The following VPS11 variants were observed in gnomAD, a reference collection of about 807,000 sequenced individuals.
VPS11 encodes VPS11 core subunit of CORVET and HOPS complexes.
Under a neutral mutation model 106.8 loss-of-function variants are expected in VPS11, and 51 were observed. The ratio of observed to expected loss-of-function variants is 0.48; its 90% CI spans 0.38 to 0.60. The LOEUF (loss-of-function observed/expected upper bound fraction) is 0.60, where lower values mean the gene tolerates loss of function less well. Among genes scored for constraint, VPS11 ranks in the 20% least tolerant of loss-of-function variants. VPS11 has a pLI of 0.00. For missense variants in VPS11, 950 were observed against 1,190.0 expected (o/e 0.80, Z 2.97); for synonymous variants, 453 against 458.7 (o/e 0.99, Z 0.16).
intron 1 of VPS11, 85 bp from the exon 2 acceptor site, chr11:119,069,111 G>C: frequency 1.3e-6 from 2 of 1,525,522 alleles, no homozygotes; most frequent in Non-Finnish European, 1.8e-6. Flanking sequence ...AAATTTTAGA[G>C]TTATATACAT....
In VPS11 at chr11:119,068,242, T is replaced by A. The variant is rs941770721; in HGVS notation, c.187+232T>A. The stretch of plus-strand genomic sequence containing the variant: ...CTCTCTGGGTTTTAATTTCCTTATC[T>A]GTAGGAGATGTGTGCATGCCAATTT... On this transcript the variant is annotated intron_variant, in intron 1 of 15. Coordinates refer to ENST00000621676, the MANE Select transcript of VPS11 (RefSeq NM_021729.6). The A allele has an allele frequency of 6.7e-6, 3 of 445,832 alleles. No individual in the cohort carries two copies. The Admixed American group carries it at 1.2e-4, about 17-fold the overall frequency. 27.6% of individuals were successfully genotyped at this position (445,832 alleles called of 1,614,324 possible).
chr11:119,071,184 C>T (rs1945374660), intron 4 of VPS11, among the ~76,000 whole-genome samples: 1 of 152,156 alleles, frequency 6.6e-6, no homozygotes, highest in Admixed American at 6.5e-5. Flanking sequence ...CCTGCCTCAA[C>T]CACCCAAAGT....
chr11:119,077,688 AC>A (rs782327552), intron 9 of VPS11, 41 bp downstream of exon 9: 43 of 1,559,442 alleles, frequency 2.8e-5, no homozygotes, highest in Non-Finnish European at 3.6e-5. Context: ...ACAGGGTCTC[AC>A]TATGTTGCCC....
At chr11:119,068,152 A>G in intron 1 of VPS11, 142 bp downstream of exon 1, 1 of 983,994 alleles carries the variant, frequency 1.0e-6, no homozygotes, top group Non-Finnish European at 1.4e-6. Context: ...GGTCTACGGG[A>G]AGAAAGAAGG....
In VPS11 at chr11:119,081,747, A is replaced by C; in HGVS notation, c.*124A>C. The C allele has an allele frequency of 7.6e-7, 1 of 1,312,762 alleles. No homozygotes were observed. The highest frequency in any genetic ancestry group is 1.0e-6 in the Non-Finnish European group (1 of 972,904). The allele number at this position is 1,312,762 out of a possible 1,614,324, so 81.3% of individuals were successfully genotyped here. ...GGGCTCCACTCTCATCTAATGTCACAGCCCTCAGAACTAAAGCGGACTTTC... is the reference window on the plus strand; with the variant it reads ...GGGCTCCACTCTCATCTAATGTCACCGCCCTCAGAACTAAAGCGGACTTTC... On this transcript the variant is annotated 3_prime_UTR_variant, in exon 16 of 16. Transcript: ENST00000621676.
rs2134783232 is a variant in VPS11 at position 119,076,731 on chromosome 11, G to A, written c.1239-166G>A. ...ACCCAGTGTGGTCCACAGTCTAGTA[G>A]CACCGATATTACCTGGGACTTTGTT... is the stretch of plus-strand genomic sequence containing the variant. On this transcript the variant is annotated intron_variant, in intron 7 of 15. Coordinates refer to ENST00000621676, the MANE Select transcript of VPS11 (RefSeq NM_021729.6). 3 of 777,836 alleles carry A rather than the reference G, an allele frequency of 3.9e-6. No individual in the cohort carries two copies. In the East Asian group the frequency reaches 8.2e-5, roughly 21 times the overall value. The allele number at this position is 777,836 out of a possible 1,614,324, so 48.2% of individuals were successfully genotyped here. A position where few individuals can be genotyped will look rare whatever the true frequency, so the allele number is the denominator to read the frequency against.
rs1346960174 is a variant in VPS11 at position 119,076,900 on chromosome 11, C to G, written c.1242C>G (p.Thr414=). The change falls in exon 8 of 16, where the codon ACC becomes ACG. Residue 414 remains threonine, a synonymous_variant. Transcript: ENST00000621676. ...TCGGGTGCACATGTCTCCCTAGAAC[C>G]ATTGGAAAGTTGGAGCCATCCTACG... ...HDGAVQQYIR[T]IGKLEPSYVI... The G allele has an allele frequency of 8.1e-6, 13 of 1,613,784 alleles. No homozygotes were observed. The East Asian group carries it at 2.9e-4, about 36-fold the overall frequency.
chr11:119,068,038 C>T (rs2133640493), intron 1 of VPS11, 28 bp downstream of exon 1: 2 of 1,574,308 alleles, frequency 1.3e-6, no homozygotes, highest in Admixed American at 3.6e-5. Context: ...CTGTCTTTTC[C>T]CTCCCGGGAT....
chr11:119,073,884 T>C lies in VPS11; in HGVS notation c.1171T>C (p.Phe391Leu), dbSNP rs1945498290. 1 of 1,613,800 alleles carries C rather than the reference T, an allele frequency of 6.2e-7. No homozygotes were observed. The highest frequency in any genetic ancestry group is 1.1e-5 in the South Asian group (1 of 91,080). Reference sequence around the variant, plus strand: ...GGACAGTGATGGGCTGGCCCAGATTTTCATGCAGTATGGAGACCATCTCTA... The same window carrying C: ...GGACAGTGATGGGCTGGCCCAGATTCTCATGCAGTATGGAGACCATCTCTA... ...HLDSDGLAQI[F>L]MQYGDHLYSK... The change falls in exon 7 of 16, where the codon TTC (phenylalanine) becomes CTC (leucine). Residue 391 changes from phenylalanine (F) to leucine (L), a missense_variant. This residue lies in a region of VPS11 where 435 missense variants were observed against 630.2 expected (regional missense o/e 0.69). Coordinates refer to ENST00000621676, the MANE Select transcript of VPS11 (RefSeq NM_021729.6).
At chr11:119,077,789 C>G in intron 9 of VPS11, 89 bp from the exon 10 acceptor site, 1 of 1,563,772 alleles carries the variant, frequency 6.4e-7, no homozygotes, top group Non-Finnish European at 8.7e-7. Flanking sequence ...AGAGCCCTGT[C>G]GTTTTTGAAG....
At chr11:119,068,333 A>G in intron 1 of VPS11, 1 of 399,694 alleles carries the variant, frequency 2.5e-6, no homozygotes, top group Non-Finnish European at 4.4e-6. Context: ...GAATATGTAA[A>G]GTGACATGAT....
chr11:119,074,657 G>A (rs1002788361), intron 7 of VPS11, among the ~76,000 whole-genome samples: 2 of 151,840 alleles, frequency 1.3e-5, no homozygotes, highest in Non-Finnish European at 2.9e-5. Context: ...TGCCTGCCTC[G>A]GCCTCCCAAA....
chr11:119,073,355 C>T lies in VPS11; in HGVS notation c.1042C>T (p.Arg348Trp). 4 of 1,613,650 alleles carry T rather than the reference C, an allele frequency of 2.5e-6. No homozygotes were observed. The highest frequency in any genetic ancestry group is 1.7e-6 in the Non-Finnish European group (2 of 1,179,876). The change falls in exon 6 of 16, where the codon CGG becomes TGG. Residue 348 changes from arginine to tryptophan, a missense_variant. By Grantham distance (101) the Arg-to-Trp change is moderately radical. Around this residue, in one of 3 missense-constraint regions of VPS11, gnomAD observed 435 missense variants for 630.2 expected, o/e 0.69. Transcript: ENST00000621676. ...CCTGTACGTGCTGACGCGGGATGGG[C>T]GGGTCCACGCACTGCAGGAGAAGGA... ...GSLYVLTRDG[R>W]VHALQEKDTQ...
intron 4 of VPS11, 97 bp from the exon 5 acceptor site, chr11:119,071,499 G>A: frequency 6.8e-7 from 1 of 1,478,566 alleles, no homozygotes; most frequent in East Asian, 2.3e-5. Context: ...AATGCCAAGA[G>A]GGAAAAAAGA....
intron 1 of VPS11, 45 bp downstream of exon 1, chr11:119,068,055 G>GAGAT: frequency 6.5e-7 from 1 of 1,546,010 alleles, no homozygotes; most frequent in East Asian, 2.4e-5. Flanking sequence ...GGATCCCGAA[G>GAGAT]AGATCGAGTT....
chr11:119,081,228 A>C lies in VPS11; in HGVS notation c.2575A>C (p.Thr859Pro). ...CTCGGAAAGTGATGCTGACTGCCCC[A>C]CCTGCCTCCCTGAAAACCGGAAGGT... The part of the protein sequence containing the change: ...SYSESDADCP[T>P]CLPENRKVMD... The change falls in exon 15 of 16, where the codon ACC becomes CCC. Residue 859 changes from threonine to proline, a missense_variant. By Grantham distance (38) the Thr-to-Pro change is conservative. This residue lies in a region of VPS11 where 453 missense variants were observed against 514.6 expected (regional missense o/e 0.88). Coordinates refer to ENST00000621676, the MANE Select transcript of VPS11 (RefSeq NM_021729.6). 1 of 1,613,896 alleles carries C rather than the reference A, an allele frequency of 6.2e-7. No individual in the cohort carries two copies. The highest frequency in any genetic ancestry group is 8.5e-7 in the Non-Finnish European group (1 of 1,179,872).
At chr11:119,073,033 T>C (rs922550673) in intron 5 of VPS11, 165 bp from the exon 6 acceptor site, 15 of 720,314 alleles carry the variant, frequency 2.1e-5, no homozygotes, top group Non-Finnish European at 3.2e-5. Flanking sequence ...GTTTATGTGT[T>C]CTCTATGTAC....
rs368499558 is a variant in VPS11, at chr11:119,081,603, C to T, written c.2806C>T (p.His936Tyr). 267 of 1,613,936 alleles carry T rather than the reference C, an allele frequency of 1.7e-4. No homozygotes were observed. The highest frequency in any genetic ancestry group is 2.0e-4 in the Non-Finnish European group (241 of 1,179,890). Residue 936 changes from histidine to tyrosine, a missense_variant, in exon 16 of 16, where the codon CAC becomes TAC. Physicochemically the swap from His to Tyr is moderately conservative, Grantham distance 83. Coordinates refer to ENST00000621676, the MANE Select transcript of VPS11 (RefSeq NM_021729.6). ...TGGGCTGCAACGCGACCTACTCATG[C>T]ACTCCAGGAGGGGCACTTAAGCAGC... ...EAGLQRDLLM[H>Y]SRRGT
rs1315558060 is a variant in VPS11, at chr11:119,077,969, ACAT to A, written c.1665_1667del (p.His555_Ile556delinsGln). The A allele has an allele frequency of 6.2e-7, 1 of 1,613,866 alleles. No homozygotes were observed. The highest frequency in any genetic ancestry group is 8.5e-7 in the Non-Finnish European group (1 of 1,179,910). ...CGCTACGGCAAGATCCTCATGCACCACATACCAGAGCAGACAACTCAGTTGCTG... is the reference window on the plus strand; with the variant it reads ...CGCTACGGCAAGATCCTCATGCACCAACCAGAGCAGACAACTCAGTTGCTG... On this transcript the variant is annotated inframe_deletion, in exon 10 of 16. Coordinates refer to ENST00000621676, the MANE Select transcript of VPS11 (RefSeq NM_021729.6).
Sources: gnomAD v4.1 joint callset for allele counts (sites outside exome capture counted in the v4.1 genomes callset) on GRCh38, gnomAD v4.1.1 for gene constraint, gnomAD v4.1.1 regional missense constraint, MANE v1.5 for transcripts, NCBI Gene and HGNC (gene_info 2026-07-23, HGNC 2026-07-21) for gene names.